The following TEX9 variants were observed in gnomAD, a reference collection of about 807,000 sequenced individuals.
TEX9 encodes testis-expressed protein 9.
In TEX9, 74 loss-of-function variants were observed where a neutral mutation model predicts 59.6. The observed-to-expected ratio is 1.24, with a 90% CI of 1.03 to 1.51. The LOEUF is 1.51. Ranked by LOEUF, TEX9 falls within the 40% of genes most tolerant of loss-of-function variation. TEX9 has a pLI of 0.00. For missense variants in TEX9, 522 were observed against 447.8 expected (o/e 1.17, Z -1.49); for synonymous variants, 186 against 152.2 (o/e 1.22, Z -1.64).
chr15:56,275,822 T>A (rs1596059814), intron 1 of TEX9, among the ~76,000 whole-genome samples: 4 of 152,158 alleles, frequency 2.6e-5, no homozygotes, highest in Admixed American at 2.6e-4. Context: ...TTAAAAAAAA[T>A]TGTATCTTTT....
chr15:56,437,572 C>T (rs1174756763), intron 12 of TEX9, among the ~76,000 whole-genome samples: 1 of 152,198 alleles, frequency 6.6e-6, no homozygotes, highest in Non-Finnish European at 1.5e-5. Context: ...GGGATGCCCT[C>T]TCTCACCACT....
the TEX9 span, among the ~76,000 whole-genome samples, chr15:56,456,037 A>G: frequency 6.6e-6 from 1 of 152,164 alleles, no homozygotes; most frequent in Non-Finnish European, 1.5e-5. Context: ...CTCCACAGTC[A>G]TTCCAGAAAT....
downstream of TEX9, among the ~76,000 whole-genome samples, chr15:56,448,027 G>A (rs905183193): frequency 2.6e-5 from 4 of 151,894 alleles, no homozygotes; most frequent in Admixed American, 1.3e-4. Context: ...ATATCCACTC[G>A]CATTGCTTAT....
At chr15:56,449,198 T>C (rs1359316970), downstream of TEX9, among the ~76,000 whole-genome samples, 2 of 152,188 alleles carry the variant, frequency 1.3e-5, no homozygotes, top group African/African-American at 4.8e-5. Flanking sequence ...AATACAAAGA[T>C]GACTAAAAGC....
intron 1 of TEX9, among the ~76,000 whole-genome samples, chr15:56,281,995 C>T (rs1851032): frequency 0.26 from 39,643 of 151,922 alleles, 5,399 homozygotes; most frequent in East Asian, 0.47. Flanking sequence ...AATACCTACC[C>T]CTTAAATGTT....
chr15:56,316,605 T>G (rs2045773145), intron 1 of TEX9, among the ~76,000 whole-genome samples: 1 of 152,026 alleles, frequency 6.6e-6, no homozygotes, highest in Admixed American at 6.6e-5. Flanking sequence ...GTCTTTTTGT[T>G]TGTCTGCGCC....
At chr15:56,299,329 G>A (rs925939757) in intron 1 of TEX9, among the ~76,000 whole-genome samples, 5 of 152,226 alleles carry the variant, frequency 3.3e-5, no homozygotes, top group African/African-American at 1.2e-4. Context: ...CATGGAGGGA[G>A]CATTTAGACC....
intron 1 of TEX9, among the ~76,000 whole-genome samples, chr15:56,320,631 C>T (rs1390680663): frequency 1.3e-5 from 2 of 152,158 alleles, no homozygotes; most frequent in East Asian, 1.9e-4. Context: ...CATTTAACTT[C>T]AGTTACCTAT....
At chr15:56,334,445 T>C (rs1470713152) in intron 1 of TEX9, among the ~76,000 whole-genome samples, 1 of 152,110 alleles carries the variant, frequency 6.6e-6, no homozygotes. Context: ...CTGGAAAAAT[T>C]GGATATCCAC....
chr15:56,350,065 G>A (rs147594971), intron 1 of TEX9, among the ~76,000 whole-genome samples: 1 of 152,058 alleles, frequency 6.6e-6, no homozygotes, highest in African/African-American at 2.4e-5. Context: ...TTTGCTTATA[G>A]TCCTTATATT....
At chr15:56,377,208 T>C (rs2554294) in intron 3 of TEX9, among the ~76,000 whole-genome samples, 4,803 of 152,302 alleles carry the variant, frequency 0.032, 185 homozygotes, top group East Asian at 0.096. Context: ...AGTTTTGTTC[T>C]TTTTGCTTAG....
chr15:56,322,868 A>G (rs2045933163), intron 1 of TEX9, among the ~76,000 whole-genome samples: 2 of 152,142 alleles, frequency 1.3e-5, no homozygotes, highest in Non-Finnish European at 2.9e-5. Context: ...GTTGAAGACA[A>G]GGTGGTGGGA....
At chr15:56,453,746 A>G in the TEX9 span, among the ~76,000 whole-genome samples, 42 of 152,216 alleles carry the variant, frequency 2.8e-4, no homozygotes, top group Non-Finnish European at 5.9e-4. Context: ...CAGCAAAGTT[A>G]AATTATCTTT....
chr15:56,250,516 G>T (rs1319055819), intron 1 of TEX9, among the ~76,000 whole-genome samples: 5 of 152,160 alleles, frequency 3.3e-5, no homozygotes, highest in African/African-American at 7.2e-5. Context: ...GGTTATATGG[G>T]GTACCAAATT....
At chr15:56,409,569 T>C (rs2049247885) in intron 9 of TEX9, among the ~76,000 whole-genome samples, 1 of 152,174 alleles carries the variant, frequency 6.6e-6, no homozygotes, top group South Asian at 2.1e-4. Context: ...GGTGCAATCA[T>C]GGCTTACTAC....
intron 2 of TEX9, among the ~76,000 whole-genome samples, chr15:56,373,226 G>C (rs1293935396): frequency 1.3e-5 from 2 of 152,148 alleles, no homozygotes; most frequent in Non-Finnish European, 1.5e-5. Flanking sequence ...CCACAGAAAG[G>C]CTAATACTTA....
intron 1 of TEX9, among the ~76,000 whole-genome samples, chr15:56,246,676 AAGGT>A (rs2043865801): frequency 6.6e-6 from 1 of 152,202 alleles, no homozygotes; most frequent in South Asian, 2.1e-4. Context: ...TCTGGTAAAT[AAGGT>A]AAGACATTGT....
chr15:56,455,304 T>G, the TEX9 span, among the ~76,000 whole-genome samples: 1 of 147,278 alleles, frequency 6.8e-6, no homozygotes, highest in South Asian at 2.1e-4. Flanking sequence ...GTTGGAGAAT[T>G]AGGGCCCAAA....
At chr15:56,375,106 G>T (rs2142052650) in intron 3 of TEX9, among the ~76,000 whole-genome samples, 1 of 152,170 alleles carries the variant, frequency 6.6e-6, no homozygotes, top group South Asian at 2.1e-4. Context: ...TTCCACAGTG[G>T]TTGAACTAGT....
Sources: gnomAD v4.1 joint callset for allele counts (sites outside exome capture counted in the v4.1 genomes callset) on GRCh38, gnomAD v4.1.1 for gene constraint, MANE v1.5 for transcripts, NCBI Gene and HGNC (gene_info 2026-07-23, HGNC 2026-07-21) for gene names.